RABGAP1L: variants seen among roughly 807,000 people sequenced by gnomAD.
RABGAP1L encodes the protein RAB GTPase activating protein 1 like, also known as rab GTPase-activating protein 1-like.
A neutral mutation model predicts 137.7 loss-of-function variants in RABGAP1L; 63 were observed. That is an observed-to-expected ratio of 0.46 (90% CI 0.37 to 0.56). RABGAP1L has a LOEUF of 0.56. Ranked by LOEUF, RABGAP1L falls within the 20% of genes least tolerant of loss-of-function variation. The probability of loss-of-function intolerance (pLI) is 0.00; values close to 1 mark genes in which losing one functional copy is unlikely to be tolerated. For missense variants in RABGAP1L, 1,095 were observed against 1,244.0 expected (o/e 0.88, Z 1.80); for synonymous variants, 431 against 433.7 (o/e 0.99, Z 0.08).
intron 11 of RABGAP1L, among the ~76,000 whole-genome samples, chr1:174,305,979 T>G (rs1030833592): frequency 2.0e-5 from 3 of 152,170 alleles, no homozygotes; most frequent in African/African-American, 7.2e-5. Context: ...GTGTTCTCAT[T>G]GTTCACTTCT....
At chr1:174,174,242 A>C (rs1380017266) in intron 1 of RABGAP1L, among the ~76,000 whole-genome samples, 1 of 151,712 alleles carries the variant, frequency 6.6e-6, no homozygotes, top group Non-Finnish European at 1.5e-5. Context: ...ACAACTGAAT[A>C]AGTCATAGAT....
intron 18 of RABGAP1L, among the ~76,000 whole-genome samples, chr1:174,775,406 C>G (rs1025687619): frequency 6.6e-6 from 1 of 151,620 alleles, no homozygotes; most frequent in Non-Finnish European, 1.5e-5. Context: ...CTCCACCTCC[C>G]AGGTTCAAGA....
chr1:174,254,073 G>C (rs1395129135), intron 7 of RABGAP1L, among the ~76,000 whole-genome samples: 2 of 151,862 alleles, frequency 1.3e-5, no homozygotes, highest in Non-Finnish European at 2.9e-5. Flanking sequence ...ATAGGAGAAG[G>C]TATCTGGCCC....
At chr1:174,660,353 C>T (rs750078394) in intron 14 of RABGAP1L, among the ~76,000 whole-genome samples, 2 of 152,150 alleles carry the variant, frequency 1.3e-5, no homozygotes, top group Non-Finnish European at 2.9e-5. Flanking sequence ...CTATTCCAGG[C>T]CCAAGGCATA....
At chr1:174,410,291 C>G (rs994485365) in intron 13 of RABGAP1L, among the ~76,000 whole-genome samples, 1 of 152,124 alleles carries the variant, frequency 6.6e-6, no homozygotes, top group Admixed American at 6.5e-5. Flanking sequence ...TTTCCCAAGG[C>G]TGATGTCCAG....
At chr1:174,775,439 G>A (rs181222907) in intron 18 of RABGAP1L, among the ~76,000 whole-genome samples, 16 of 151,546 alleles carry the variant, frequency 1.1e-4, no homozygotes, top group African/African-American at 3.6e-4. Context: ...TCAGCCTCCC[G>A]AGTAGCTGGG....
intron 11 of RABGAP1L, among the ~76,000 whole-genome samples, chr1:174,316,228 G>A (rs1679364962): frequency 1.3e-5 from 2 of 152,162 alleles, no homozygotes; most frequent in African/African-American, 4.8e-5. Context: ...GTTTCTTCAG[G>A]AATGGTCCCT....
intron 13 of RABGAP1L, among the ~76,000 whole-genome samples, chr1:174,547,613 T>C (rs1327586762): frequency 6.6e-6 from 1 of 152,094 alleles, no homozygotes; most frequent in Non-Finnish European, 1.5e-5. Flanking sequence ...TGAAACACTG[T>C]CTAAAAGAAA....
intron 13 of RABGAP1L, among the ~76,000 whole-genome samples, chr1:174,611,646 C>G (rs1241438109): frequency 2.0e-5 from 3 of 150,692 alleles, no homozygotes; most frequent in African/African-American, 7.4e-5. Context: ...TTACCTTGGG[C>G]AGTATGGCCA....
At chr1:174,719,807 A>G (rs1422096545) in intron 17 of RABGAP1L, among the ~76,000 whole-genome samples, 2 of 152,248 alleles carry the variant, frequency 1.3e-5, no homozygotes, top group Non-Finnish European at 2.9e-5. Flanking sequence ...AGATAGCAAG[A>G]TGAAATATTA....
At chr1:174,685,832 A>G (rs920492895) in intron 15 of RABGAP1L, among the ~76,000 whole-genome samples, 1 of 152,140 alleles carries the variant, frequency 6.6e-6, no homozygotes, top group Non-Finnish European at 1.5e-5. Flanking sequence ...AAGTGCTGGG[A>G]TTGTAGGCAG....
Position 174,181,336 on chromosome 1 carries a change from T to C in RABGAP1L, c.-34+21679T>C, listed in dbSNP as rs910624616. Among the ~76,000 whole-genome samples the C allele has an allele frequency of 3.3e-5, 5 of 150,254 alleles. No homozygotes were observed. The East Asian group carries it at 7.8e-4, about 23-fold the overall frequency. ...TCATTTTATACAAGGGTCTTTCTTTTTTTCTTTTTTTTTTTTTTTGAGACG... is the reference window on the plus strand; with the variant it reads ...TCATTTTATACAAGGGTCTTTCTTTCTTTCTTTTTTTTTTTTTTTGAGACG... On this transcript the variant is annotated intron_variant, in intron 1 of 25. Coordinates refer to ENST00000681986, the MANE Select transcript of RABGAP1L (RefSeq NM_001366446.1).
intron 19 of RABGAP1L, among the ~76,000 whole-genome samples, chr1:174,827,879 C>G (rs1691746813): frequency 6.8e-6 from 1 of 147,988 alleles, no homozygotes; most frequent in South Asian, 2.2e-4. Flanking sequence ...TGCCTTATTC[C>G]TCTCTTTTCC....
chr1:174,792,657 A>G (rs899913902), intron 18 of RABGAP1L, among the ~76,000 whole-genome samples: 5 of 152,252 alleles, frequency 3.3e-5, no homozygotes, highest in Non-Finnish European at 4.4e-5. Context: ...CAAATTATAC[A>G]TATAAAATAT....
chr1:174,813,113 G>A (rs1690046206), intron 19 of RABGAP1L, among the ~76,000 whole-genome samples: 1 of 152,198 alleles, frequency 6.6e-6, no homozygotes, highest in African/African-American at 2.4e-5. Context: ...TCTGTCTGAG[G>A]TTTTTAAAGG....
chr1:174,489,138 A>G (rs943732481), intron 13 of RABGAP1L, among the ~76,000 whole-genome samples: 12 of 152,032 alleles, frequency 7.9e-5, no homozygotes, highest in African/African-American at 2.7e-4. Context: ...CATGACTAAA[A>G]CACCAAAAAC....
chr1:174,285,179 G>A (rs1027225987), intron 10 of RABGAP1L, among the ~76,000 whole-genome samples: 15 of 151,962 alleles, frequency 9.9e-5, no homozygotes, highest in Admixed American at 9.8e-4. Context: ...ACCACGCCCG[G>A]CTAATTTTTG....
intron 14 of RABGAP1L, among the ~76,000 whole-genome samples, chr1:174,655,469 A>G (rs1415704750): frequency 1.3e-5 from 2 of 152,220 alleles, no homozygotes; most frequent in Admixed American, 6.5e-5. Flanking sequence ...ACAACACGGA[A>G]AGAATAATCT....
intron 13 of RABGAP1L, among the ~76,000 whole-genome samples, chr1:174,544,008 C>G (rs1039366770): frequency 1.2e-4 from 19 of 152,220 alleles, no homozygotes; most frequent in Admixed American, 7.9e-4. Context: ...CTCGACCTTT[C>G]TCTCTGGCTG....
Sources: allele counts gnomAD v4.1 joint callset (sites outside exome capture counted in the v4.1 genomes callset), GRCh38; gene constraint gnomAD v4.1.1; transcripts MANE v1.5; gene names NCBI Gene and HGNC (gene_info 2026-07-23, HGNC 2026-07-21).